Variants in GALNT13 observed in about 807,000 individuals in gnomAD.
The protein encoded by GALNT13 is UDP-GalNAc:polypeptide N-acetylgalactosaminyltransferase 13.
A neutral mutation model predicts 64.2 loss-of-function variants in GALNT13; 28 were observed. That is an observed-to-expected ratio of 0.44 (90% CI 0.32 to 0.60). The LOEUF is 0.60. GALNT13 is among the 20% of genes least tolerant of loss of function. The pLI is 0.05. For synonymous variants in GALNT13, 214 were observed against 224.6 expected (o/e 0.95, Z 0.42); for missense variants, 577 against 669.8 (o/e 0.86, Z 1.53).
At chr2:154,399,333 T>C (rs1032097453) in intron 10 of GALNT13, among the ~76,000 whole-genome samples, 1 of 152,158 alleles carries the variant, frequency 6.6e-6, no homozygotes, top group Non-Finnish European at 1.5e-5. Context: ...GATTGGGTAA[T>C]TTATAAATAA....
chr2:153,097,884 G>A, the GALNT13 span, among the ~76,000 whole-genome samples: 1 of 152,124 alleles, frequency 6.6e-6, no homozygotes, highest in Non-Finnish European at 1.5e-5. Context: ...TGGCTAACAT[G>A]GTGAAACCCC....
At chr2:153,290,028 G>A in the GALNT13 span, among the ~76,000 whole-genome samples, 2 of 152,180 alleles carry the variant, frequency 1.3e-5, no homozygotes, top group East Asian at 1.9e-4. Context: ...TTTCACCTCT[G>A]AAAAATTTTA....
chr2:154,192,449 C>A (rs1236603371), intron 4 of GALNT13, among the ~76,000 whole-genome samples: 1 of 152,166 alleles, frequency 6.6e-6, no homozygotes, highest in Non-Finnish European at 1.5e-5. Flanking sequence ...TCCTGTATCA[C>A]CTACATGGAC....
chr2:153,185,062 T>C, the GALNT13 span, among the ~76,000 whole-genome samples: 1 of 152,214 alleles, frequency 6.6e-6, no homozygotes, highest in Non-Finnish European at 1.5e-5. Flanking sequence ...GTATCTCTAG[T>C]AGAATTCAGC....
intron 9 of GALNT13, among the ~76,000 whole-genome samples, chr2:154,382,023 C>T (rs1698296111): frequency 6.6e-6 from 1 of 152,012 alleles, no homozygotes; most frequent in Admixed American, 6.6e-5. Context: ...ATTTGAATGC[C>T]ACAGCTATGA....
At chr2:153,498,768 C>G in the GALNT13 span, among the ~76,000 whole-genome samples, 1 of 152,192 alleles carries the variant, frequency 6.6e-6, no homozygotes, top group East Asian at 1.9e-4. Flanking sequence ...GCCTGAAATG[C>G]GGTGAGCAGG....
chr2:154,108,547 G>A (rs888793664), intron 3 of GALNT13, among the ~76,000 whole-genome samples: 1 of 152,030 alleles, frequency 6.6e-6, no homozygotes, highest in African/African-American at 2.4e-5. Context: ...TTTTCACACT[G>A]TTAATTGTCT....
intron 3 of GALNT13, among the ~76,000 whole-genome samples, chr2:154,127,162 A>C: frequency 6.6e-6 from 1 of 152,312 alleles, no homozygotes; most frequent in Admixed American, 6.5e-5. Flanking sequence ...GATATATATT[A>C]GAGTTTTCCC....
the GALNT13 span, among the ~76,000 whole-genome samples, chr2:153,242,865 A>G: frequency 1.5e-3 from 223 of 152,330 alleles, no homozygotes; most frequent in African/African-American, 5.2e-3. Flanking sequence ...TGTTTTCCTC[A>G]TGGAACCCCA....
chr2:154,330,252 G>A (rs1426866508), intron 9 of GALNT13, among the ~76,000 whole-genome samples: 1 of 152,112 alleles, frequency 6.6e-6, no homozygotes, highest in African/African-American at 2.4e-5. Context: ...GGAGCAGCAA[G>A]TGGTGGAGGG....
chr2:153,522,338 G>GA, the GALNT13 span, among the ~76,000 whole-genome samples: 23 of 151,636 alleles, frequency 1.5e-4, no homozygotes, highest in Non-Finnish European at 3.4e-4. Flanking sequence ...GTCTCAAGGA[G>GA]AAAAAAATAA....
At chr2:154,376,850 A>C (rs1324726134) in intron 9 of GALNT13, among the ~76,000 whole-genome samples, 1 of 152,116 alleles carries the variant, frequency 6.6e-6, no homozygotes, top group Non-Finnish European at 1.5e-5. Context: ...ACTATAGTAA[A>C]TATCTAAGGA....
chr2:153,623,743 A>T, the GALNT13 span, among the ~76,000 whole-genome samples: 1 of 152,072 alleles, frequency 6.6e-6, no homozygotes, highest in Non-Finnish European at 1.5e-5. Flanking sequence ...TCAAATTTAT[A>T]GGGACAAGTA....
the GALNT13 span, among the ~76,000 whole-genome samples, chr2:153,193,150 G>A: frequency 3.3e-5 from 5 of 151,758 alleles, no homozygotes; most frequent in South Asian, 2.1e-4. Flanking sequence ...ACATGCACAC[G>A]TATATTTATT....
At chr2:153,509,073 G>A in the GALNT13 span, among the ~76,000 whole-genome samples, 3 of 152,222 alleles carry the variant, frequency 2.0e-5, no homozygotes, top group African/African-American at 7.2e-5. Context: ...CGAGGGAAGT[G>A]TCTTGTGGTT....
chr2:154,359,108 A>G (rs1477818079), intron 9 of GALNT13, among the ~76,000 whole-genome samples: 4 of 152,028 alleles, frequency 2.6e-5, no homozygotes, highest in African/African-American at 7.2e-5. Flanking sequence ...ATTTACTTCT[A>G]TGTGTATTCC....
the GALNT13 span, among the ~76,000 whole-genome samples, chr2:153,134,050 C>G: frequency 6.6e-6 from 1 of 152,194 alleles, no homozygotes; most frequent in South Asian, 2.1e-4. Flanking sequence ...ATTCTTTTCA[C>G]AGCTCTCTCT....
chr2:154,207,217 G>A (rs1354581208), intron 4 of GALNT13, among the ~76,000 whole-genome samples: 1 of 152,142 alleles, frequency 6.6e-6, no homozygotes, highest in Non-Finnish European at 1.5e-5. Context: ...CCAATGTCGT[G>A]TCTTGTTTGA....
At chr2:154,053,835 G>T (rs1166001438) in intron 3 of GALNT13, among the ~76,000 whole-genome samples, 1 of 152,132 alleles carries the variant, frequency 6.6e-6, no homozygotes, top group Non-Finnish European at 1.5e-5. Flanking sequence ...CTTCTTAATT[G>T]TGAAATGCCC....
Sources: gnomAD v4.1 joint callset for allele counts (sites outside exome capture counted in the v4.1 genomes callset) on GRCh38, gnomAD v4.1.1 for gene constraint, MANE v1.5 for transcripts, NCBI Gene and HGNC (gene_info 2026-07-23, HGNC 2026-07-21) for gene names.